The following PKD1L1 variants were observed in gnomAD, a reference collection of about 807,000 sequenced individuals.
PKD1L1 encodes the protein polycystin 1 like 1, transient receptor potential channel interacting, also known as polycystin-1-like protein 1.
In PKD1L1, 236 loss-of-function variants were observed where a neutral mutation model predicts 323.4. The observed-to-expected ratio is 0.73, with a 90% CI of 0.66 to 0.81. The LOEUF (loss-of-function observed/expected upper bound fraction) is 0.81. Ranked by LOEUF, PKD1L1 falls within the 40% of genes least tolerant of loss-of-function variation. The pLI is 0.00. For missense variants in PKD1L1, 3,320 were observed against 3,508.0 expected (o/e 0.95, Z 1.35); for synonymous variants, 1,344 against 1,335.0 (o/e 1.01, Z -0.15).
chr7:47,947,823 C>T (rs1206382013), intron 1 of PKD1L1, among the ~76,000 whole-genome samples: 1 of 151,834 alleles, frequency 6.6e-6, no homozygotes, highest in Admixed American at 6.6e-5. Flanking sequence ...AAAAATTAGT[C>T]GGGCGTGGTG....
At chr7:47,914,751 C>G (rs1455361394) in intron 8 of PKD1L1, among the ~76,000 whole-genome samples, 3 of 151,842 alleles carry the variant, frequency 2.0e-5, no homozygotes, top group Non-Finnish European at 4.4e-5. Flanking sequence ...CTCTTTTCTC[C>G]CCCCCAACAT....
At position 47,833,203 on chromosome 7, in the gene PKD1L1, G is replaced by A. The variant is rs57179034; in HGVS notation, c.6224C>T (p.Ala2075Val). The change falls in exon 41 of 57, where the codon GCG (alanine) becomes GTG (valine). Residue 2075 changes from alanine (A) to valine (V), a missense_variant. Physicochemically the swap from Ala to Val is moderately conservative, Grantham distance 64. Transcript: ENST00000289672. ...LSGSGRAQRK[A>V]ASDNGTACPA... is the part of the protein sequence containing the mutation. ...ACAAGCTGTGCCATTGTCACTTGCC[G>A]CCTTCCTTTGGGCCCTGCCACTCCC... is the stretch of plus-strand genomic sequence containing the variant. 95 of 1,612,518 alleles carry A rather than the reference G, an allele frequency of 5.9e-5. No individual in the cohort carries two copies. The highest frequency in any genetic ancestry group is 4.0e-4 in the African/African-American group (30 of 74,908).
chr7:47,931,016 T>C (rs192411086), intron 6 of PKD1L1, 88 bp downstream of exon 6: 1 of 1,303,218 alleles, frequency 7.7e-7, no homozygotes, highest in African/African-American at 1.5e-5. Flanking sequence ...ACAACGAAGA[T>C]ACTAAAATCA....
At chr7:47,866,338 T>G in intron 25 of PKD1L1, 81 bp downstream of exon 25, 1 of 1,449,942 alleles carries the variant, frequency 6.9e-7, no homozygotes, top group Admixed American at 2.1e-5. Flanking sequence ...CATGACCACT[T>G]GCTAGTGAGC....
intron 54 of PKD1L1, among the ~76,000 whole-genome samples, chr7:47,797,382 G>T (rs1180236622): frequency 7.9e-5 from 12 of 152,186 alleles, no homozygotes; most frequent in African/African-American, 2.7e-4. Flanking sequence ...ATCTCTTGTG[G>T]TCATATGTTT....
At position 47,858,717 on chromosome 7, in the gene PKD1L1, A is replaced by G. The variant is rs747945467; in HGVS notation, c.4318T>C (p.Tyr1440His). ...ACTGTAATTCCTTCTTCATGTCGATAGACTTCCTCCTTCGAGTTTTCTTGC... is the reference window on the plus strand; with the variant it reads ...ACTGTAATTCCTTCTTCATGTCGATGGACTTCCTCCTTCGAGTTTTCTTGC... ...SEQENSKEEV[Y>H]RHEEGITVIS... Residue 1440 changes from tyrosine to histidine, a missense_variant, in exon 27 of 57, where the codon TAT becomes CAT. Transcript: ENST00000289672. 3.7e-6 allele frequency: 6 copies of G among 1,613,980 alleles called. No homozygotes were observed. The highest frequency in any genetic ancestry group is 1.3e-5 in the African/African-American group (1 of 74,926).
rs868715793 is a variant in PKD1L1, at chr7:47,774,974, A to G, written c.*169T>C. On this transcript the variant is annotated 3_prime_UTR_variant, in exon 57 of 57. Transcript: ENST00000289672. ...ACAGTCTGATGACAGATAAACCTTG[A>G]TTTTCATCCTGGTTTCCCATTTACT... 48 of 709,590 alleles carry G rather than the reference A, an allele frequency of 6.8e-5. No individual in the cohort carries two copies. The Middle Eastern group carries it at 6.7e-3, about 99-fold the overall frequency. 44.0% of individuals were successfully genotyped at this position (709,590 alleles called of 1,614,324 possible).
At chr7:47,877,422 G>A in intron 22 of PKD1L1, 67 bp downstream of exon 22, 1 of 1,587,670 alleles carries the variant, frequency 6.3e-7, no homozygotes, top group Non-Finnish European at 8.6e-7. Flanking sequence ...CAGCACCCGT[G>A]ACTGCTGTGA....
chr7:47,800,165 T>C (rs1784627861), intron 54 of PKD1L1, among the ~76,000 whole-genome samples: 1 of 152,166 alleles, frequency 6.6e-6, no homozygotes, highest in Admixed American at 6.5e-5. Flanking sequence ...ATGTATGACA[T>C]GACTAGATTT....
Position 47,876,123 on chromosome 7 carries a change from G to A in PKD1L1, c.3758C>T (p.Ala1253Val). 1 of 1,614,086 alleles carries A rather than the reference G, an allele frequency of 6.2e-7. No homozygotes were observed. Among genetic ancestry groups the A allele is most frequent in the Non-Finnish European group, 8.5e-7 (1 of 1,179,988 alleles). Residue 1253 changes from alanine to valine, a missense_variant, in exon 23 of 57, where the codon GCT becomes GTT. Transcript: ENST00000289672. ...TTTGTAATTGTCCAAGTGCTCACCA[G>A]CTGGCAACACAAAATAATACTGGGT... ...RDTQYYFVLP[A>V]GEHLDNYKVM...
chr7:47,857,313 C>T (rs1157764896), intron 28 of PKD1L1, among the ~76,000 whole-genome samples: 3 of 152,228 alleles, frequency 2.0e-5, no homozygotes, highest in Non-Finnish European at 4.4e-5. Flanking sequence ...CCCCTAGAGC[C>T]TTCTGTTCTC....
At chr7:47,926,757 C>T (rs1787663179) in intron 7 of PKD1L1, among the ~76,000 whole-genome samples, 1 of 152,114 alleles carries the variant, frequency 6.6e-6, no homozygotes, top group Non-Finnish European at 1.5e-5. Context: ...AGGAAACCAG[C>T]ATTGGTAGAG....
chr7:47,786,885 C>T (rs1441668855), intron 56 of PKD1L1, among the ~76,000 whole-genome samples: 4 of 152,082 alleles, frequency 2.6e-5, no homozygotes, highest in Admixed American at 1.3e-4. Flanking sequence ...TGCCAAGAAC[C>T]GTTAAGGGGG....
intron 2 of PKD1L1, among the ~76,000 whole-genome samples, chr7:47,942,952 C>T (rs1421510426): frequency 2.0e-5 from 3 of 151,956 alleles, no homozygotes; most frequent in Admixed American, 6.6e-5. Flanking sequence ...GGAGACCATC[C>T]TGGCTAACAC....
At chr7:47,887,188 C>T (rs747795582) in intron 17 of PKD1L1, among the ~76,000 whole-genome samples, 7 of 152,204 alleles carry the variant, frequency 4.6e-5, no homozygotes, top group Non-Finnish European at 7.3e-5. Context: ...TATCTGTGGC[C>T]GCTGAGGCCA....
intron 31 of PKD1L1, among the ~76,000 whole-genome samples, chr7:47,850,979 A>T (rs1384559125): frequency 2.0e-5 from 3 of 152,164 alleles, no homozygotes; most frequent in Non-Finnish European, 2.9e-5. Flanking sequence ...TGGCAACTGG[A>T]ATTCTCACTG....
intron 16 of PKD1L1, 31 bp downstream of exon 16, chr7:47,890,511 G>A (rs747876560): frequency 1.2e-6 from 2 of 1,600,944 alleles, no homozygotes; most frequent in Non-Finnish European, 8.6e-7. Flanking sequence ...ACACCGGTGA[G>A]CTGAGCTGTG....
rs1039042607 is a variant in PKD1L1, at chr7:47,803,267, T to G, written c.7905A>C (p.Thr2635=). Residue 2635 remains threonine (T), a synonymous_variant, in exon 53 of 57, where the codon ACA becomes ACC. Coordinates refer to ENST00000289672, the MANE Select transcript of PKD1L1 (RefSeq NM_138295.5). ...GCATCATGGAGGAGCAGGATGCCAT[T>G]GTGTTTTGAATGCCAGGAAGATAGA... is the stretch of plus-strand genomic sequence containing the variant. ...KCVYLPGIQN[T]MASCSSMMRH... 4 of 1,613,942 alleles carry G rather than the reference T, an allele frequency of 2.5e-6. No homozygotes were observed. The African/African-American group carries it at 5.3e-5, about 22-fold the overall frequency.
At chr7:47,872,891 C>G (rs368203281) in intron 24 of PKD1L1, among the ~76,000 whole-genome samples, 89 of 152,006 alleles carry the variant, frequency 5.9e-4, no homozygotes, top group African/African-American at 1.9e-3. Flanking sequence ...TTCATTATAG[C>G]CAAAAAGTGA....
Sources: allele counts gnomAD v4.1 joint callset (sites outside exome capture counted in the v4.1 genomes callset), GRCh38; gene constraint gnomAD v4.1.1; transcripts MANE v1.5; gene names NCBI Gene and HGNC (gene_info 2026-07-23, HGNC 2026-07-21).